Variants in SPTLC3 observed in about 807,000 individuals in gnomAD.
SPTLC3 encodes serine palmitoyltransferase long chain base subunit 3.
In SPTLC3, 36 loss-of-function variants were observed where a neutral mutation model predicts 59.3. The ratio of observed to expected loss-of-function variants is 0.61; its 90% CI spans 0.47 to 0.80. The LOEUF (loss-of-function observed/expected upper bound fraction) is 0.80, where lower values mean the gene tolerates loss of function less well. Ranked by LOEUF, SPTLC3 falls within the 30% of genes least tolerant of loss-of-function variation. SPTLC3 has a pLI of 0.00. For synonymous variants in SPTLC3, 257 were observed against 240.8 expected (o/e 1.07, Z -0.62); for missense variants, 625 against 685.1 (o/e 0.91, Z 0.98).
intron 9 of SPTLC3, among the ~76,000 whole-genome samples, chr20:13,146,112 C>T (rs986523311): frequency 4.6e-5 from 7 of 152,190 alleles, no homozygotes; most frequent in African/African-American, 1.7e-4. Context: ...AGAACAAGAT[C>T]ATGTCTTTTG....
At chr20:13,131,686 T>A (rs889991973) in intron 9 of SPTLC3, among the ~76,000 whole-genome samples, 2 of 152,174 alleles carry the variant, frequency 1.3e-5, no homozygotes, top group African/African-American at 4.8e-5. Flanking sequence ...CTCTATCACC[T>A]CTCACCTGGA....
intron 9 of SPTLC3, among the ~76,000 whole-genome samples, chr20:13,135,794 A>G (rs1294096027): frequency 6.6e-6 from 1 of 152,254 alleles, no homozygotes. Flanking sequence ...AATTTCACCA[A>G]AATGGCTATA....
intron 2 of SPTLC3, among the ~76,000 whole-genome samples, chr20:13,067,686 C>T (rs1204548300): frequency 1.3e-5 from 2 of 152,108 alleles, no homozygotes; most frequent in Admixed American, 1.3e-4. Context: ...TTAAATTTAG[C>T]CATCTTTAAG....
chr20:13,049,203 C>A, intron 2 of SPTLC3, 73 bp downstream of exon 2: 1 of 1,535,960 alleles, frequency 6.5e-7, no homozygotes, highest in Non-Finnish European at 9.0e-7. Context: ...AGTGGTGATG[C>A]AGGTGCAGAT....
chr20:13,103,385 T>C (rs1368000681), intron 6 of SPTLC3, among the ~76,000 whole-genome samples: 1 of 152,166 alleles, frequency 6.6e-6, no homozygotes, highest in Non-Finnish European at 1.5e-5. Flanking sequence ...TCTTGAAGGA[T>C]GAAACTGCAT....
chr20:13,132,569 G>A (rs1224459474), intron 9 of SPTLC3, among the ~76,000 whole-genome samples: 1 of 152,182 alleles, frequency 6.6e-6, no homozygotes, highest in Admixed American at 6.5e-5. Context: ...AACTCCAGGA[G>A]AACAAGCACT....
chr20:13,044,988 G>A, intron 1 of SPTLC3, among the ~76,000 whole-genome samples: 1 of 116,052 alleles, frequency 8.6e-6, no homozygotes, highest in Non-Finnish European at 1.8e-5. Flanking sequence ...GGTCATTTGT[G>A]TCCCCACCAC....
chr20:13,130,277 G>A (rs1334485261), intron 9 of SPTLC3, among the ~76,000 whole-genome samples: 1 of 152,164 alleles, frequency 6.6e-6, no homozygotes, highest in Non-Finnish European at 1.5e-5. Flanking sequence ...GAGCTCAAAG[G>A]ATGCACTGTT....
chr20:13,141,553 G>C (rs759819687), intron 9 of SPTLC3, among the ~76,000 whole-genome samples: 2 of 152,110 alleles, frequency 1.3e-5, no homozygotes, highest in African/African-American at 2.4e-5. Flanking sequence ...GTCCCTCAAT[G>C]AAAACAAGAG....
chr20:13,116,619 G>A (rs536361830), intron 7 of SPTLC3, among the ~76,000 whole-genome samples: 2 of 152,286 alleles, frequency 1.3e-5, no homozygotes, highest in African/African-American at 4.8e-5. Flanking sequence ...GCCCTAGCAT[G>A]GAAGGTTCTA....
intron 2 of SPTLC3, among the ~76,000 whole-genome samples, chr20:13,070,566 AG>A (rs1362870050): frequency 6.6e-6 from 1 of 152,236 alleles, no homozygotes; most frequent in Non-Finnish European, 1.5e-5. Flanking sequence ...AGGAGAGCCA[AG>A]TGCTCCAAAG....
intron 9 of SPTLC3, among the ~76,000 whole-genome samples, chr20:13,138,141 C>T (rs986609635): frequency 6.6e-6 from 1 of 152,138 alleles, no homozygotes; most frequent in Non-Finnish European, 1.5e-5. Flanking sequence ...TTATTACCTC[C>T]TTGAATATGA....
chr20:13,024,345 A>G (rs1390411546), intron 1 of SPTLC3, among the ~76,000 whole-genome samples: 1 of 152,000 alleles, frequency 6.6e-6, no homozygotes, highest in Non-Finnish European at 1.5e-5. Context: ...ATATTCATAT[A>G]TCTACTACCT....
intron 4 of SPTLC3, among the ~76,000 whole-genome samples, chr20:13,076,365 A>T (rs1988645469): frequency 6.6e-6 from 1 of 152,224 alleles, no homozygotes; most frequent in Non-Finnish European, 1.5e-5. Context: ...GAGAATATTT[A>T]ACAGTACAAA....
chr20:13,017,616 C>A (rs987791696), intron 1 of SPTLC3, among the ~76,000 whole-genome samples: 1 of 152,046 alleles, frequency 6.6e-6, no homozygotes, highest in Non-Finnish European at 1.5e-5. Context: ...ATTATGAGAT[C>A]TTTTTTGTGA....
intron 8 of SPTLC3, among the ~76,000 whole-genome samples, chr20:13,125,993 A>G (rs2037980057): frequency 6.6e-6 from 1 of 152,154 alleles, no homozygotes; most frequent in Non-Finnish European, 1.5e-5. Flanking sequence ...CCTTTGTTCA[A>G]CTTCTCTCTT....
intron 1 of SPTLC3, among the ~76,000 whole-genome samples, chr20:13,032,234 C>G (rs1266745418): frequency 6.6e-6 from 1 of 152,194 alleles, no homozygotes; most frequent in Admixed American, 6.5e-5. Flanking sequence ...CAGAATAATG[C>G]AGCCATTGCA....
rs191225088 is a variant in SPTLC3, at chr20:13,061,324, A to G, written c.304-10932A>G. On this transcript the variant is annotated intron_variant, in intron 2 of 11. Transcript: ENST00000399002. ...CAGAAATGAGGAAAAAACAGCTTCT[A>G]ACATTTGTTACTTTGTCTCACACTT... Among the ~76,000 whole-genome samples the G allele has an allele frequency of 2.7e-3, 410 of 152,278 alleles. 3 individuals are homozygous for G. Among genetic ancestry groups the G allele is most frequent in the African/African-American group, 9.0e-3 (374 of 41,552 alleles).
chr20:13,143,489 G>A (rs1001828200), intron 9 of SPTLC3, among the ~76,000 whole-genome samples: 1 of 152,064 alleles, frequency 6.6e-6, no homozygotes, highest in African/African-American at 2.4e-5. Context: ...AAGAATCCAG[G>A]TCTCAGAAAG....
Sources: gnomAD v4.1 joint callset for allele counts (sites outside exome capture counted in the v4.1 genomes callset) on GRCh38, gnomAD v4.1.1 for gene constraint, MANE v1.5 for transcripts, NCBI Gene and HGNC (gene_info 2026-07-23, HGNC 2026-07-21) for gene names.